The following VPS35L variants were observed in gnomAD, a reference collection of about 807,000 sequenced individuals.
The protein encoded by VPS35L is VPS35 endosomal protein sorting factor like, also known as VPS35 endosomal protein-sorting factor-like.
In VPS35L, 83 loss-of-function variants were observed where a neutral mutation model predicts 133.0. That is an observed-to-expected ratio of 0.62 (90% confidence interval 0.52 to 0.75). VPS35L has a LOEUF of 0.75. VPS35L is among the 30% of genes least tolerant of loss of function. The pLI is 0.00. For missense variants in VPS35L, 1,083 were observed against 1,206.8 expected, an observed-to-expected ratio of 0.90 and a Z score of 1.52; for synonymous variants, 423 against 449.9, an observed-to-expected ratio of 0.94 and a Z score of 0.76.
chr16:19,647,942 CCAAT>C (rs1227778800), intron 24 of VPS35L, 60 bp downstream of exon 24: 1 of 1,382,838 alleles, frequency 7.2e-7, no homozygotes, highest in African/African-American at 1.4e-5. Context: ...CATCTACATC[CCAAT>C]CATTTATTTT....
chr16:19,666,798 C>T (rs554713259), intron 26 of VPS35L, among the ~76,000 whole-genome samples: 3 of 152,108 alleles, frequency 2.0e-5, no homozygotes, highest in South Asian at 4.2e-4. Flanking sequence ...GTGGGACTGC[C>T]GGAGGACTAA....
In VPS35L at chr16:19,616,623, T is replaced by G. The variant is rs1335386217; in HGVS notation, c.1102-63T>G. Reference sequence around the variant, plus strand: ...AAGTATGCACAGTCTGTGAGTTGTGTATGTTTTGTTTGTTGTTTGGTTTTT... The same window carrying G: ...AAGTATGCACAGTCTGTGAGTTGTGGATGTTTTGTTTGTTGTTTGGTTTTT... On this transcript the variant is annotated intron_variant, in intron 13 of 30. Coordinates refer to ENST00000417362, the MANE Select transcript of VPS35L (RefSeq NM_020314.7). 4.5e-6 allele frequency: 7 copies of G among 1,571,802 alleles called. No homozygotes were observed. In the East Asian group the frequency reaches 1.6e-4, roughly 35 times the overall value.
At chr16:19,578,435 C>A in intron 5 of VPS35L, 2 of 401,620 alleles carry the variant, frequency 5.0e-6, no homozygotes, top group Non-Finnish European at 9.7e-6. Context: ...CTGAAATAGA[C>A]GGCCGCAGAG....
intron 7 of VPS35L, among the ~76,000 whole-genome samples, chr16:19,588,408 A>G (rs1971940263): frequency 6.6e-6 from 1 of 150,496 alleles, no homozygotes; most frequent in African/African-American, 2.4e-5. Flanking sequence ...GCTGGTCTCA[A>G]TTCAAACTCC....
intron 15 of VPS35L, 25 bp downstream of exon 15, chr16:19,626,248 C>T (rs749838366): frequency 1.7e-4 from 265 of 1,572,908 alleles, no homozygotes; most frequent in Non-Finnish European, 2.3e-4. Context: ...ATTCATAAAG[C>T]ATGAGTTTGA....
intron 7 of VPS35L, among the ~76,000 whole-genome samples, chr16:19,587,781 G>A (rs1030803809): frequency 6.7e-6 from 1 of 150,282 alleles, no homozygotes; most frequent in African/African-American, 2.5e-5. Context: ...CAATCCTTAT[G>A]CCAGTTCCAC....
chr16:19,594,652 AAAAAAAAAAAAAAAAAAAAG>A (rs1454982503), intron 8 of VPS35L, among the ~76,000 whole-genome samples: 1 of 146,716 alleles, frequency 6.8e-6, no homozygotes, highest in Non-Finnish European at 1.5e-5. Context: ...CTCAAAAAAA[AAAAAAAAAAAAAAAAAAAAG>A]AAGAGAAAAA....
intron 8 of VPS35L, among the ~76,000 whole-genome samples, chr16:19,596,420 G>A (rs991204175): frequency 2.6e-5 from 4 of 151,570 alleles, no homozygotes; most frequent in African/African-American, 9.7e-5. Flanking sequence ...GACCACAGGT[G>A]TGTGCCACCA....
intron 26 of VPS35L, among the ~76,000 whole-genome samples, chr16:19,658,622 A>G (rs944970453): frequency 4.6e-5 from 7 of 152,176 alleles, no homozygotes; most frequent in Non-Finnish European, 7.3e-5. Flanking sequence ...AAGCTCATGC[A>G]CTATGGACAT....
chr16:19,681,457 A>T (rs1975275989), intron 27 of VPS35L, among the ~76,000 whole-genome samples: 1 of 151,988 alleles, frequency 6.6e-6, no homozygotes, highest in African/African-American at 2.4e-5. Context: ...AGGGAAGGGG[A>T]CCCGCATGGG....
chr16:19,574,710 C>T (rs12444628), intron 4 of VPS35L, among the ~76,000 whole-genome samples: 6,977 of 151,864 alleles, frequency 0.046, 328 homozygotes, highest in East Asian at 0.2. Context: ...TTTTGACTGT[C>T]ACAGTTCTGG....
intron 23 of VPS35L, among the ~76,000 whole-genome samples, chr16:19,646,790 G>C (rs1051563634): frequency 3.9e-5 from 6 of 152,252 alleles, no homozygotes; most frequent in African/African-American, 1.4e-4. Flanking sequence ...CTTTTGATGG[G>C]GGGTAGTCCA....
chr16:19,574,002 G>A (rs183281891), intron 4 of VPS35L, among the ~76,000 whole-genome samples: 2 of 152,148 alleles, frequency 1.3e-5, no homozygotes, highest in African/African-American at 2.4e-5. Context: ...TACGAAATTC[G>A]AGGCTTACCC....
In VPS35L at chr16:19,677,510, A is replaced by G. The variant is rs550961539; in HGVS notation, c.2362-4715A>G. On this transcript the variant is annotated intron_variant, in intron 27 of 30. Coordinates refer to ENST00000417362, the MANE Select transcript of VPS35L (RefSeq NM_020314.7). Reference sequence around the variant, plus strand: ...GTGATCTGAAGGAACACTAGTAAGTAGTCAGCTAGGCACAGATGGGGAGAG... The same window carrying G: ...GTGATCTGAAGGAACACTAGTAAGTGGTCAGCTAGGCACAGATGGGGAGAG... 2.6e-5 allele frequency among the ~76,000 whole-genome samples: 4 copies of G among 152,328 alleles called. No individual in the cohort carries two copies. In the South Asian group the frequency reaches 8.3e-4, roughly 32 times the overall value.
Position 19,669,308 on chromosome 16 carries a change from C to T in VPS35L, c.2361+9C>T, listed in dbSNP as rs1162205915. ...CTTTATTAATAGTTCCGGTACGTTT[C>T]CTCAGCAGAACCGCAGGACATGTCT... On this transcript the variant is annotated intron_variant, in intron 27 of 30. Transcript: ENST00000417362. 1 of 1,602,398 alleles carries T rather than the reference C, an allele frequency of 6.2e-7. No homozygotes were observed. The highest frequency in any genetic ancestry group is 8.5e-7 in the Non-Finnish European group (1 of 1,171,566).
At chr16:19,647,623 A>C (rs113624926) in intron 23 of VPS35L, among the ~76,000 whole-genome samples, 161 bp from the exon 24 acceptor site, 35 of 152,180 alleles carry the variant, frequency 2.3e-4, no homozygotes, top group African/African-American at 8.4e-4. Flanking sequence ...TTCTGCTTAC[A>C]CTCTGAGCTT....
At chr16:19,562,012 G>A (rs72767551) in intron 1 of VPS35L, among the ~76,000 whole-genome samples, 6,965 of 152,190 alleles carry the variant, frequency 0.046, 197 homozygotes, top group African/African-American at 0.074. Flanking sequence ...GGCTGAGGCA[G>A]GAGGATGGCT....
intron 19 of VPS35L, 149 bp from the exon 20 acceptor site, chr16:19,637,445 C>T (rs1264965829): frequency 7.3e-6 from 4 of 548,954 alleles, no homozygotes; most frequent in Non-Finnish European, 1.3e-5. Context: ...ACAATCCAGG[C>T]TTACCTTATT....
chr16:19,615,007 G>A lies in VPS35L; in HGVS notation c.1024-1107G>A, dbSNP rs1035403691. 3.3e-5 allele frequency among the ~76,000 whole-genome samples: 5 copies of A among 152,164 alleles called. No individual in the cohort carries two copies. The South Asian group carries it at 1.0e-3, about 32-fold the overall frequency. On this transcript the variant is annotated intron_variant, in intron 12 of 30. Transcript: ENST00000417362. ...TTGCATAAAATGTATTAAAATTTAT[G>A]TCTGCTCTTATCTCTGCCTTGCAAA...
Sources: allele counts gnomAD v4.1 joint callset (sites outside exome capture counted in the v4.1 genomes callset), GRCh38; gene constraint gnomAD v4.1.1; transcripts MANE v1.5; gene names NCBI Gene and HGNC (gene_info 2026-07-23, HGNC 2026-07-21).